Variants in ABCC1 observed in about 807,000 individuals in gnomAD.
ABCC1 encodes multidrug resistance-associated protein 1.
A neutral mutation model predicts 172.9 loss-of-function variants in ABCC1; 83 were observed. The observed-to-expected ratio is 0.48, with a 90% CI of 0.40 to 0.58. The LOEUF is 0.58. Ranked by LOEUF, ABCC1 falls within the 20% of genes least tolerant of loss-of-function variation. The pLI, the probability that ABCC1 is intolerant of heterozygous loss-of-function variation, is 0.00. For missense variants in ABCC1, 1,817 were observed against 2,002.7 expected, an observed-to-expected ratio of 0.91 and a Z score of 1.77; for synonymous variants, 937 against 825.2, an observed-to-expected ratio of 1.14 and a Z score of -2.32.
At chr16:16,100,305 A>C (rs4148362) in intron 19 of ABCC1, among the ~76,000 whole-genome samples, 18,197 of 152,152 alleles carry the variant, frequency 0.12, 1,212 homozygotes, top group Middle Eastern at 0.22. Flanking sequence ...TCAGTGACGA[A>C]CAGGAGAAGT....
chr16:16,040,796 G>T (rs1019436620), intron 7 of ABCC1, among the ~76,000 whole-genome samples: 4 of 151,726 alleles, frequency 2.6e-5, no homozygotes, highest in Middle Eastern at 3.2e-3. Context: ...CTGAGTTCTG[G>T]TTCATAACAA....
At chr16:15,991,691 T>A (rs1307073359) in intron 1 of ABCC1, among the ~76,000 whole-genome samples, 28 of 152,160 alleles carry the variant, frequency 1.8e-4, no homozygotes. Flanking sequence ...TCCCCACTTA[T>A]GGGCTGTTCC....
chr16:15,973,665 C>T (rs536865899), intron 1 of ABCC1, among the ~76,000 whole-genome samples: 6 of 152,102 alleles, frequency 3.9e-5, no homozygotes, highest in African/African-American at 1.4e-4. Flanking sequence ...CTCCAGCAAT[C>T]GTGTGATGCA....
chr16:16,059,054 C>A (rs559890244), intron 12 of ABCC1, among the ~76,000 whole-genome samples: 1 of 151,762 alleles, frequency 6.6e-6, no homozygotes, highest in African/African-American at 2.4e-5. Flanking sequence ...CCTAACATAT[C>A]CCTAGGTGCT....
chr16:16,059,326 G>A (rs2049805349), intron 12 of ABCC1, among the ~76,000 whole-genome samples: 1 of 152,118 alleles, frequency 6.6e-6, no homozygotes, highest in Non-Finnish European at 1.5e-5. Context: ...GGAATTCCGG[G>A]CCATACAGTC....
intron 7 of ABCC1, among the ~76,000 whole-genome samples, chr16:16,043,562 A>G (rs1486311171): frequency 2.0e-5 from 3 of 151,372 alleles, no homozygotes; most frequent in African/African-American, 7.3e-5. Flanking sequence ...GGCCTCCCAT[A>G]GTGCTGGGAT....
rs145084518 is a variant in ABCC1, at chr16:16,103,545, A to G, written c.2735+828A>G. ...CAGTGAGCCGAGATTGCGCCATGGC[A>G]CTCCAGCCTGGGTGACAGAGCGAGA... On this transcript the variant is annotated intron_variant, in intron 20 of 30. Transcript: ENST00000399410. Among the ~76,000 whole-genome samples, 85 of 152,274 alleles carry G rather than the reference A, an allele frequency of 5.6e-4. 1 individual carries two copies. The East Asian group carries it at 0.015, about 27-fold the overall frequency.
At position 16,138,518 on chromosome 16, in the gene ABCC1, ACCATCGC is replaced by A; in HGVS notation, c.4451_4457del (p.Ile1484ThrfsTer12). 1 of 1,603,952 alleles carries A rather than the reference ACCATCGC, an allele frequency of 6.2e-7. No homozygotes were observed. Among genetic ancestry groups the A allele is most frequent in the East Asian group, 2.2e-5 (1 of 44,480 alleles). On this transcript the variant is annotated frameshift_variant, in exon 30 of 31. Transcript: ENST00000399410. LOFTEE classifies it high-confidence loss of function. ...ACAGTTCGAGGACTGCACCGTCCTC[ACCATCGC>A]CCACCGGCTCAACACCATCATGGAC...
intron 7 of ABCC1, among the ~76,000 whole-genome samples, chr16:16,039,277 T>C (rs1382599188): frequency 6.8e-6 from 1 of 147,026 alleles, no homozygotes; most frequent in Non-Finnish European, 1.5e-5. Context: ...TTTTTTTTTT[T>C]TTTTTTTTGA....
In ABCC1 at chr16:16,060,655, G is replaced by T. The variant is rs139420643; in HGVS notation, c.1677+4360G>T. Reference sequence around the variant, plus strand: ...TCCTGCCTCAGTCCCCCGACTAGCTGGGATTACAAACATGCACTACCATGC... The same window carrying T: ...TCCTGCCTCAGTCCCCCGACTAGCTTGGATTACAAACATGCACTACCATGC... On this transcript the variant is annotated intron_variant, in intron 12 of 30. Transcript: ENST00000399410. 1.8e-3 allele frequency among the ~76,000 whole-genome samples: 269 copies of T among 152,024 alleles called. 2 individuals are homozygous for T. The highest frequency in any genetic ancestry group is 4.8e-3 in the African/African-American group (200 of 41,448).
At chr16:16,073,389 G>T (rs1317698951) in intron 14 of ABCC1, among the ~76,000 whole-genome samples, 2 of 152,190 alleles carry the variant, frequency 1.3e-5, no homozygotes, top group South Asian at 4.1e-4. Flanking sequence ...GAAGTGCTCT[G>T]TGTGCACTGC....
chr16:15,962,077 C>T (rs1185774298), intron 1 of ABCC1, among the ~76,000 whole-genome samples: 2 of 152,180 alleles, frequency 1.3e-5, no homozygotes, highest in Admixed American at 6.5e-5. Context: ...TTATTAAGCA[C>T]CTGTTGTTTT....
At chr16:16,121,828 T>C in intron 23 of ABCC1, 147 bp from the exon 24 acceptor site, 1 of 692,992 alleles carries the variant, frequency 1.4e-6, no homozygotes, top group Middle Eastern at 2.5e-4. Flanking sequence ...ACCAGGTGAG[T>C]GGGCACCCCT....
At chr16:16,097,169 A>G (rs1357646190) in intron 19 of ABCC1, among the ~76,000 whole-genome samples, 4 of 151,938 alleles carry the variant, frequency 2.6e-5, no homozygotes, top group South Asian at 2.1e-4. Context: ...CTGGAGTGCA[A>G]TGGTGCAATC....
chr16:16,046,162 C>T, intron 9 of ABCC1, 149 bp downstream of exon 9: 1 of 813,626 alleles, frequency 1.2e-6, no homozygotes, highest in Non-Finnish European at 1.9e-6. Flanking sequence ...GTGGCAGGGA[C>T]AGCACGCATC....
At chr16:16,036,927 A>C (rs952158040) in intron 7 of ABCC1, among the ~76,000 whole-genome samples, 4 of 152,086 alleles carry the variant, frequency 2.6e-5, no homozygotes, top group African/African-American at 9.7e-5. Flanking sequence ...AACATGGTGA[A>C]ACCCTGTCTC....
intron 1 of ABCC1, among the ~76,000 whole-genome samples, chr16:15,970,169 A>G (rs2046334356): frequency 6.6e-6 from 1 of 152,142 alleles, no homozygotes; most frequent in Non-Finnish European, 1.5e-5. Flanking sequence ...TCATGTAAAA[A>G]TCCCAGCTGG....
At chr16:15,996,534 A>G (rs1307610854) in intron 1 of ABCC1, among the ~76,000 whole-genome samples, 2 of 152,140 alleles carry the variant, frequency 1.3e-5, no homozygotes, top group East Asian at 3.9e-4. Context: ...GTTGAGATTC[A>G]TAATCACTTT....
At position 16,052,589 on chromosome 16, in the gene ABCC1, G is replaced by A. The variant is rs1039176571; in HGVS notation, c.1381-135G>A. ...AACCACAGGCTCTTAACACCCTATT[G>A]TGGGGTAAAAGTAACACACCTTGCC... On this transcript the variant is annotated intron_variant, in intron 10 of 30. Coordinates refer to ENST00000399410, the MANE Select transcript of ABCC1 (RefSeq NM_004996.4). 15 of 722,468 alleles carry A rather than the reference G, an allele frequency of 2.1e-5. No individual in the cohort carries two copies. The Admixed American group carries it at 3.2e-4, about 16-fold the overall frequency. 44.8% of individuals were successfully genotyped at this position (722,468 alleles called of 1,614,324 possible).
Sources: allele counts gnomAD v4.1 joint callset (sites outside exome capture counted in the v4.1 genomes callset), GRCh38; gene constraint gnomAD v4.1.1; transcripts MANE v1.5; gene names NCBI Gene and HGNC (gene_info 2026-07-23, HGNC 2026-07-21).